The following RGS6 variants were observed in gnomAD, a reference collection of about 807,000 sequenced individuals.
RGS6 encodes regulator of G protein signaling 6.
Under a neutral mutation model 78.5 loss-of-function variants are expected in RGS6, and 30 were observed. The observed-to-expected ratio is 0.38, with a 90% CI of 0.29 to 0.52. The LOEUF (loss-of-function observed/expected upper bound fraction) is 0.52, where lower values mean the gene tolerates loss of function less well. Among genes scored for constraint, RGS6 ranks in the 20% least tolerant of loss-of-function variants. The probability of loss-of-function intolerance (pLI) is 0.85; values close to 1 mark genes in which losing one functional copy is unlikely to be tolerated. For missense variants in RGS6, 495 were observed against 609.7 expected (o/e 0.81, Z 1.98); for synonymous variants, 206 against 206.0 (o/e 1.00, Z 0.00).
At chr14:71,979,758 C>A (rs900919019) in intron 2 of RGS6, among the ~76,000 whole-genome samples, 4 of 152,182 alleles carry the variant, frequency 2.6e-5, no homozygotes, top group Admixed American at 2.6e-4. Context: ...GTGGAGAGTT[C>A]TGTAGATGTC....
At chr14:72,568,127 G>C (rs967573230), downstream of RGS6, among the ~76,000 whole-genome samples, 1 of 152,150 alleles carries the variant, frequency 6.6e-6, no homozygotes. Context: ...TCAGAGCCCT[G>C]AGGTGTCTCC....
At chr14:72,002,638 G>A (rs1349245358) in intron 2 of RGS6, among the ~76,000 whole-genome samples, 2 of 152,116 alleles carry the variant, frequency 1.3e-5, no homozygotes, top group African/African-American at 4.8e-5. Flanking sequence ...GGCTCCTTGG[G>A]GATGGCTAAT....
chr14:72,497,879 C>A (rs2096666309), intron 13 of RGS6, among the ~76,000 whole-genome samples: 1 of 151,890 alleles, frequency 6.6e-6, no homozygotes, highest in African/African-American at 2.4e-5. Context: ...TCTATCCTCA[C>A]TTTTCAGGAA....
At chr14:72,181,886 G>A (rs2097177643) in intron 2 of RGS6, among the ~76,000 whole-genome samples, 1 of 152,098 alleles carries the variant, frequency 6.6e-6, no homozygotes, top group Non-Finnish European at 1.5e-5. Context: ...ACACAAATAT[G>A]CAGTGACAAC....
At chr14:72,102,887 C>T (rs188875161) in intron 2 of RGS6, among the ~76,000 whole-genome samples, 1 of 152,090 alleles carries the variant, frequency 6.6e-6, no homozygotes, top group Admixed American at 6.5e-5. Flanking sequence ...ATCACAAGTT[C>T]ACACTCAGGG....
intron 3 of RGS6, among the ~76,000 whole-genome samples, chr14:72,417,558 A>G (rs540652283): frequency 2.8e-4 from 42 of 152,266 alleles, no homozygotes; most frequent in African/African-American, 9.1e-4. Flanking sequence ...CTCTCTATTG[A>G]CAGATCACTG....
chr14:72,024,493 G>T (rs549862084), intron 2 of RGS6, among the ~76,000 whole-genome samples: 1 of 152,218 alleles, frequency 6.6e-6, no homozygotes, highest in African/African-American at 2.4e-5. Context: ...TGCTGCCCTT[G>T]CTTCCATATT....
At chr14:72,375,329 A>G (rs1020621888) in intron 3 of RGS6, among the ~76,000 whole-genome samples, 4 of 152,248 alleles carry the variant, frequency 2.6e-5, no homozygotes, top group African/African-American at 9.6e-5. Flanking sequence ...ATATCTAGCT[A>G]CATTGATGTC....
chr14:72,259,875 C>T (rs1327504862), intron 2 of RGS6, among the ~76,000 whole-genome samples: 2 of 130,238 alleles, frequency 1.5e-5, no homozygotes, highest in Admixed American at 1.8e-4. Flanking sequence ...CGCGCCACTG[C>T]ACTCCAGCCT....
In RGS6 at chr14:72,290,479, C is replaced by T. The variant is rs140184040; in HGVS notation, c.85-61616C>T. Among the ~76,000 whole-genome samples the T allele has an allele frequency of 6.6e-5, 10 of 152,306 alleles. No homozygotes were observed. The East Asian group carries it at 1.9e-3, about 29-fold the overall frequency. On this transcript the variant is annotated intron_variant, in intron 2 of 17. Transcript: ENST00000553525. Reference sequence around the variant, plus strand: ...CAGCTTCCTTCCTCTCCACAGCTTCCATTTAAGGTATTTTGGAAGTCCCTC... The same window carrying T: ...CAGCTTCCTTCCTCTCCACAGCTTCTATTTAAGGTATTTTGGAAGTCCCTC...
chr14:72,498,847 C>T (rs555026172), intron 13 of RGS6, among the ~76,000 whole-genome samples: 1 of 152,314 alleles, frequency 6.6e-6, no homozygotes, highest in East Asian at 1.9e-4. Context: ...GGCAGGCTTT[C>T]CCCTGAGCAG....
At chr14:71,991,453 C>A (rs924970484) in intron 2 of RGS6, among the ~76,000 whole-genome samples, 2 of 152,186 alleles carry the variant, frequency 1.3e-5, no homozygotes, top group Non-Finnish European at 2.9e-5. Context: ...TCTGTTTTTA[C>A]CATTAAATGT....
chr14:72,084,880 A>G (rs900460218), intron 2 of RGS6, among the ~76,000 whole-genome samples: 4 of 152,226 alleles, frequency 2.6e-5, no homozygotes, highest in African/African-American at 7.2e-5. Flanking sequence ...TAAGCTGTAT[A>G]ATCTTTAAAA....
rs141888144 is a variant in RGS6, at chr14:72,485,104, T to C, written c.854+6775T>C. On this transcript the variant is annotated intron_variant, in intron 12 of 17. Coordinates refer to ENST00000553525, the MANE Select transcript of RGS6 (RefSeq NM_001204424.2). ...AGCATCTTCTAGTGATGTGAGAATT[T>C]GTCATTTGAAAATAACAAAAGCATA... 1.5e-4 allele frequency among the ~76,000 whole-genome samples: 23 copies of C among 152,294 alleles called. No homozygotes were observed. In the East Asian group the frequency reaches 4.1e-3, roughly 27 times the overall value.
At position 72,221,828 on chromosome 14, in the gene RGS6, T is replaced by G. The variant is rs147756544; in HGVS notation, c.85-130267T>G. Among the ~76,000 whole-genome samples the G allele has an allele frequency of 2.6e-4, 40 of 152,346 alleles. No homozygotes were observed. In the East Asian group the frequency reaches 5.4e-3, roughly 21 times the overall value. On this transcript the variant is annotated intron_variant, in intron 2 of 17. Coordinates refer to ENST00000553525, the MANE Select transcript of RGS6 (RefSeq NM_001204424.2). The stretch of plus-strand genomic sequence containing the variant: ...TGGCCAGAGAGTCGCTGTGTGCTAG[T>G]TGGCTTAGGCCAGTAGGGCCCTCCC...
chr14:72,336,184 C>G (rs184002256), intron 2 of RGS6, among the ~76,000 whole-genome samples: 12 of 152,336 alleles, frequency 7.9e-5, no homozygotes, highest in African/African-American at 2.6e-4. Context: ...AACTATATAT[C>G]TATGCCATAA....
At chr14:72,180,390 T>A (rs973746894) in intron 2 of RGS6, among the ~76,000 whole-genome samples, 4 of 152,212 alleles carry the variant, frequency 2.6e-5, no homozygotes, top group African/African-American at 9.6e-5. Flanking sequence ...TTGAATAGAA[T>A]GGGAAATGAA....
chr14:72,032,394 A>G (rs1424504208), intron 2 of RGS6, among the ~76,000 whole-genome samples: 1 of 152,160 alleles, frequency 6.6e-6, no homozygotes, highest in Non-Finnish European at 1.5e-5. Flanking sequence ...TATTTTTAGC[A>G]CTGTAATTGG....
chr14:72,010,795 A>G (rs975570399), intron 2 of RGS6, among the ~76,000 whole-genome samples: 2 of 152,234 alleles, frequency 1.3e-5, no homozygotes, highest in Non-Finnish European at 2.9e-5. Context: ...TCCTTACAAC[A>G]AAAAGTAACC....
Sources: allele counts gnomAD v4.1 joint callset (sites outside exome capture counted in the v4.1 genomes callset), GRCh38; gene constraint gnomAD v4.1.1; transcripts MANE v1.5; gene names NCBI Gene and HGNC (gene_info 2026-07-23, HGNC 2026-07-21).